The following IRAG2 variants were observed in gnomAD, a reference collection of about 807,000 sequenced individuals.
IRAG2 encodes the protein inositol 1,4,5-triphosphate receptor associated 2.
In IRAG2, 45 loss-of-function variants were observed where a neutral mutation model predicts 69.9. The observed-to-expected ratio is 0.64, with a 90% CI of 0.51 to 0.83. The LOEUF (loss-of-function observed/expected upper bound fraction) is 0.83, where lower values mean the gene tolerates loss of function less well. IRAG2 is among the 40% of genes least tolerant of loss of function. The pLI, the probability that IRAG2 is intolerant of heterozygous loss-of-function variation, is 0.00. For synonymous variants in IRAG2, 193 were observed against 202.4 expected (o/e 0.95, Z 0.40); for missense variants, 520 against 587.0 (o/e 0.89, Z 1.18).
chr12:25,026,487 G>A (rs1370913227), intron 8 of IRAG2, among the ~76,000 whole-genome samples: 4 of 152,134 alleles, frequency 2.6e-5, no homozygotes, highest in East Asian at 1.9e-4. Flanking sequence ...AAAGGTGGTC[G>A]GATCAATGGA....
chr12:25,044,017 A>G (rs1184548634), intron 16 of IRAG2, among the ~76,000 whole-genome samples: 2 of 152,216 alleles, frequency 1.3e-5, no homozygotes, highest in Non-Finnish European at 2.9e-5. Flanking sequence ...TAACACTGTA[A>G]TGGTTGTGGT....
chr12:25,023,658 T>C (rs540089047), intron 7 of IRAG2, among the ~76,000 whole-genome samples: 1 of 152,320 alleles, frequency 6.6e-6, no homozygotes, highest in East Asian at 1.9e-4. Flanking sequence ...ATAGTTACAT[T>C]GAGTCCAGGA....
intron 21 of IRAG2, among the ~76,000 whole-genome samples, chr12:25,107,408 G>A (rs1311292500): frequency 6.6e-6 from 1 of 152,068 alleles, no homozygotes; most frequent in Non-Finnish European, 1.5e-5. Flanking sequence ...ATCCACTGGA[G>A]GTCTTGGAGC....
At position 25,070,285 on chromosome 12, in the gene IRAG2, C is replaced by A. The variant is rs987283852; in HGVS notation, c.24+854C>A. ...TCTCCCTATTTCCTCCTGTCCCCAACCCCCAGCTGGAGGCAACCACTAATC... is the reference window on the plus strand; with the variant it reads ...TCTCCCTATTTCCTCCTGTCCCCAAACCCCAGCTGGAGGCAACCACTAATC... On this transcript the variant is annotated intron_variant, in intron 6 of 21. Coordinates refer to ENST00000556887, the MANE Select transcript of IRAG2 (RefSeq NM_001366544.2). Among the ~76,000 whole-genome samples the A allele has an allele frequency of 2.0e-5, 3 of 152,156 alleles. No homozygotes were observed. The East Asian group carries it at 5.8e-4, about 29-fold the overall frequency.
At chr12:25,012,827 AAG>A (rs879298525) in intron 3 of IRAG2, among the ~76,000 whole-genome samples, 11 of 152,202 alleles carry the variant, frequency 7.2e-5, no homozygotes, top group Non-Finnish European at 1.3e-4. Flanking sequence ...CCGTCTCAAA[AAG>A]AGAGAAAATG....
Position 25,108,248 on chromosome 12 carries a change from C to T in IRAG2, c.*188C>T, listed in dbSNP as rs187579040. The T allele has an allele frequency of 1.8e-4, 114 of 619,790 alleles. 1 individual carries two copies. In the Admixed American group the frequency reaches 3.6e-3, roughly 19 times the overall value. 38.4% of individuals were successfully genotyped at this position (619,790 alleles called of 1,614,324 possible). ...AAAATACAATGGGGAAGAAGTCTGCCTATGATCTTTGAATGAGCTTTTTAA... is the reference window on the plus strand; with the variant it reads ...AAAATACAATGGGGAAGAAGTCTGCTTATGATCTTTGAATGAGCTTTTTAA... On this transcript the variant is annotated 3_prime_UTR_variant, in exon 22 of 22. Coordinates refer to ENST00000556887, the MANE Select transcript of IRAG2 (RefSeq NM_001366544.2).
intron 10 of IRAG2, among the ~76,000 whole-genome samples, chr12:25,087,772 G>T (rs904629029): frequency 6.6e-6 from 1 of 152,128 alleles, no homozygotes; most frequent in Non-Finnish European, 1.5e-5. Flanking sequence ...CCTGACCTCT[G>T]CCTCCTGTCA....
At chr12:25,083,575 G>A (rs539604317) in intron 10 of IRAG2, 82 bp downstream of exon 10, 49 of 795,448 alleles carry the variant, frequency 6.2e-5, no homozygotes, top group Middle Eastern at 2.4e-4. Context: ...AGTCTTAAAA[G>A]TATTATCTCA....
At chr12:25,046,698 G>T (rs1030405772) in intron 16 of IRAG2, among the ~76,000 whole-genome samples, 13 of 151,964 alleles carry the variant, frequency 8.6e-5, no homozygotes, top group African/African-American at 3.1e-4. Flanking sequence ...AAATGAAAAG[G>T]CATCCTACGT....
At chr12:25,056,402 T>C (rs990730071) in intron 1 of IRAG2, among the ~76,000 whole-genome samples, 1 of 152,124 alleles carries the variant, frequency 6.6e-6, no homozygotes, top group African/African-American at 2.4e-5. Context: ...AATGCAGATA[T>C]GGAGAAGTAA....
At chr12:25,107,796 C>CTAT (rs751779811) in intron 21 of IRAG2, 21 bp from the exon 22 acceptor site, 4 of 1,599,408 alleles carry the variant, frequency 2.5e-6, no homozygotes, top group African/African-American at 2.7e-5. Context: ...TTACCAAATT[C>CTAT]TATTTGTGTT....
intron 10 of IRAG2, among the ~76,000 whole-genome samples, chr12:25,084,959 C>T (rs1947470755): frequency 6.6e-6 from 1 of 152,226 alleles, no homozygotes; most frequent in Non-Finnish European, 1.5e-5. Context: ...TGCTTAGTCA[C>T]CCCATAGTTC....
At chr12:25,043,461 C>T (rs567886328) in intron 16 of IRAG2, among the ~76,000 whole-genome samples, 51 of 152,246 alleles carry the variant, frequency 3.3e-4, no homozygotes, top group Non-Finnish European at 5.0e-4. Context: ...AGCATGCATG[C>T]GCTTGCTGGA....
intron 10 of IRAG2, among the ~76,000 whole-genome samples, chr12:25,031,639 T>A (rs1267800336): frequency 6.6e-6 from 1 of 152,134 alleles, no homozygotes; most frequent in African/African-American, 2.4e-5. Flanking sequence ...TTGCTCCCTT[T>A]TTGTCCGTGT....
intron 6 of IRAG2, among the ~76,000 whole-genome samples, chr12:25,078,095 T>C (rs1344174544): frequency 1.3e-5 from 2 of 152,182 alleles, no homozygotes; most frequent in Non-Finnish European, 2.9e-5. Flanking sequence ...TTCTGACTGG[T>C]CTTGGGAAAT....
chr12:25,082,265 T>C (rs1947266527), intron 9 of IRAG2, among the ~76,000 whole-genome samples: 8 of 152,194 alleles, frequency 5.3e-5, no homozygotes, highest in Admixed American at 5.2e-4. Context: ...TTTTGATTTA[T>C]GAACCATATG....
At chr12:25,049,080 C>A (rs1944819772), upstream of IRAG2, among the ~76,000 whole-genome samples, 1 of 152,166 alleles carries the variant, frequency 6.6e-6, no homozygotes, top group African/African-American at 2.4e-5. Context: ...TTTCTGAGTT[C>A]TCTATTCTGT....
chr12:25,032,638 A>G (rs1240547678), intron 12 of IRAG2, among the ~76,000 whole-genome samples: 2 of 152,192 alleles, frequency 1.3e-5, no homozygotes, highest in Non-Finnish European at 2.9e-5. Flanking sequence ...TGGAACTCCA[A>G]GATCAGGATG....
intron 2 of IRAG2, among the ~76,000 whole-genome samples, chr12:25,009,414 G>A (rs1328694954): frequency 6.6e-6 from 1 of 152,200 alleles, no homozygotes; most frequent in African/African-American, 2.4e-5. Context: ...GATGAGTGGG[G>A]CTTATTTGTT....
Sources: gnomAD v4.1 joint callset for allele counts (sites outside exome capture counted in the v4.1 genomes callset) on GRCh38, gnomAD v4.1.1 for gene constraint, MANE v1.5 for transcripts, NCBI Gene and HGNC (gene_info 2026-07-23, HGNC 2026-07-21) for gene names.